Variants in ABCC4 observed in about 807,000 individuals in gnomAD.
The protein encoded by ABCC4 is ATP binding cassette subfamily C member 4 (PEL blood group).
A neutral mutation model predicts 168.5 loss-of-function variants in ABCC4; 102 were observed. That is an observed-to-expected ratio of 0.61 (90% CI 0.52 to 0.71). The LOEUF (loss-of-function observed/expected upper bound fraction) is 0.71, where lower values mean the gene tolerates loss of function less well. ABCC4 is among the 30% of genes least tolerant of loss of function. The pLI is 0.00. For missense variants in ABCC4, 1,402 were observed against 1,605.8 expected, an observed-to-expected ratio of 0.87 and a Z score of 2.17; for synonymous variants, 617 against 590.7, an observed-to-expected ratio of 1.04 and a Z score of -0.65.
chr13:95,159,840 T>C (rs1255083181), intron 19 of ABCC4, among the ~76,000 whole-genome samples: 2 of 152,206 alleles, frequency 1.3e-5, no homozygotes, highest in African/African-American at 4.8e-5. Flanking sequence ...TTCTTTAATC[T>C]TCACAAAAAT....
intron 1 of ABCC4, among the ~76,000 whole-genome samples, chr13:95,259,857 A>G (rs202236395): frequency 9.2e-4 from 53 of 57,572 alleles, no homozygotes; most frequent in African/African-American, 2.9e-3. Flanking sequence ...TAGTGTGGGG[A>G]AAAAAAAAAA....
intron 3 of ABCC4, among the ~76,000 whole-genome samples, chr13:95,239,669 A>C (rs1216183329): frequency 6.6e-6 from 1 of 152,216 alleles, no homozygotes; most frequent in African/African-American, 2.4e-5. Flanking sequence ...TCACAATCAT[A>C]CTCATCAAAA....
At chr13:95,274,593 C>G (rs1209145954) in intron 1 of ABCC4, among the ~76,000 whole-genome samples, 2 of 152,194 alleles carry the variant, frequency 1.3e-5, no homozygotes, top group African/African-American at 4.8e-5. Context: ...AGACCATGGC[C>G]CAGGCTCTCC....
At chr13:95,068,812 A>C (rs1190214066) in intron 25 of ABCC4, among the ~76,000 whole-genome samples, 1 of 152,266 alleles carries the variant, frequency 6.6e-6, no homozygotes, top group Non-Finnish European at 1.5e-5. Context: ...AGAGAAATTT[A>C]CAACGTGGCC....
At chr13:95,157,332 CA>C (rs61066518) in intron 19 of ABCC4, among the ~76,000 whole-genome samples, 27,816 of 139,568 alleles carry the variant, frequency 0.2, 2,928 homozygotes, top group African/African-American at 0.31. Flanking sequence ...ACTAAAAATA[CA>C]AAAAAAAAAA....
chr13:95,156,218 G>C (rs1022679515), intron 19 of ABCC4, among the ~76,000 whole-genome samples: 1 of 152,078 alleles, frequency 6.6e-6, no homozygotes, highest in African/African-American at 2.4e-5. Flanking sequence ...CTTCCACAAA[G>C]ACTTTCATGT....
rs1053942112 is a variant in ABCC4, at chr13:95,284,103, G to A, written c.74+17138C>T. 2.0e-5 allele frequency among the ~76,000 whole-genome samples: 3 copies of A among 152,196 alleles called. No homozygotes were observed. The South Asian group carries it at 6.2e-4, about 31-fold the overall frequency. On this transcript the variant is annotated intron_variant, in intron 1 of 30. Coordinates refer to ENST00000645237, the MANE Select transcript of ABCC4 (RefSeq NM_005845.5). ...GTATGCCTGTAATCCCAGCTACTGGGGAGGCTGAGGCAGGAGAATTACTTG... is the reference window on the plus strand; with the variant it reads ...GTATGCCTGTAATCCCAGCTACTGGAGAGGCTGAGGCAGGAGAATTACTTG...
At chr13:95,218,921 A>AAG (rs1289387063) in intron 4 of ABCC4, among the ~76,000 whole-genome samples, 1 of 24,734 alleles carries the variant, frequency 4.0e-5, no homozygotes, top group African/African-American at 1.4e-4. Context: ...GAGAGAGAGA[A>AAG]AGAAAGAGAA....
chr13:95,120,242 G>T (rs1296268561), intron 19 of ABCC4, among the ~76,000 whole-genome samples: 1 of 151,426 alleles, frequency 6.6e-6, no homozygotes, highest in Non-Finnish European at 1.5e-5. Flanking sequence ...TAGCTTCACT[G>T]ATGGTTCTGA....
chr13:95,269,435 ATATAT>A (rs1347358875), intron 1 of ABCC4: 38 of 123,222 alleles, frequency 3.1e-4, no homozygotes, highest in South Asian at 8.7e-4. Flanking sequence ...CAAAAAAAAA[ATATAT>A]ATATATATAT....
chr13:95,189,445 T>G (rs150741816), intron 9 of ABCC4, among the ~76,000 whole-genome samples: 1 of 152,202 alleles, frequency 6.6e-6, no homozygotes, highest in Non-Finnish European at 1.5e-5. Context: ...ATATTCAGTA[T>G]GGGAGCTTTT....
At chr13:95,268,889 C>T (rs920269171) in intron 1 of ABCC4, among the ~76,000 whole-genome samples, 79 of 152,196 alleles carry the variant, frequency 5.2e-4, no homozygotes, top group African/African-American at 1.9e-3. Context: ...GCGGCGGTCC[C>T]CTGGGCCCAC....
At position 95,210,766 on chromosome 13, in the gene ABCC4, T is replaced by C; in HGVS notation, c.547A>G (p.Asn183Asp). 2 of 1,613,906 alleles carry C rather than the reference T, an allele frequency of 1.2e-6. No individual in the cohort carries two copies. Among genetic ancestry groups the C allele is most frequent in the Non-Finnish European group, 1.7e-6 (2 of 1,179,776 alleles). The change falls in exon 5 of 31, where the codon AAC becomes GAC. Residue 183 changes from asparagine to aspartate, a missense_variant. Asn to Asp is a conservative substitution (Grantham distance 23). Around this residue, in one of 3 missense-constraint regions of ABCC4, gnomAD observed 317 missense variants for 345.5 expected, o/e 0.92. Transcript: ENST00000645237. ...GTGGTTGTCTTCCCCATGGCCATGT[T>C]ACTAAGACGAAGTGCCTGAAATAAA... is the stretch of plus-strand genomic sequence containing the variant. ...MIYRKALRLS[N>D]MAMGKTTTGQ...
intron 20 of ABCC4, among the ~76,000 whole-genome samples, chr13:95,099,887 C>T (rs763802315): frequency 1.3e-5 from 2 of 152,218 alleles, no homozygotes; most frequent in Non-Finnish European, 2.9e-5. Context: ...CCATGCCCCA[C>T]ATCAGATGGA....
chr13:95,146,869 G>A (rs2139496872), intron 19 of ABCC4, among the ~76,000 whole-genome samples: 1 of 152,284 alleles, frequency 6.6e-6, no homozygotes. Flanking sequence ...TCCTCAATTT[G>A]GTAGAGAACT....
chr13:95,095,999 T>C (rs2034583679), intron 20 of ABCC4: 2 of 401,652 alleles, frequency 5.0e-6, no homozygotes, highest in Admixed American at 4.4e-5. Flanking sequence ...AGATGAAAAG[T>C]ATAAGAGCAA....
chr13:95,274,703 G>A (rs902974426), intron 1 of ABCC4, among the ~76,000 whole-genome samples: 8 of 152,154 alleles, frequency 5.3e-5, no homozygotes, highest in African/African-American at 1.9e-4. Flanking sequence ...TCTAAGACCT[G>A]TGAGTATAAT....
intron 19 of ABCC4, among the ~76,000 whole-genome samples, chr13:95,157,637 T>C (rs2036915122): frequency 6.6e-6 from 1 of 152,158 alleles, no homozygotes; most frequent in Non-Finnish European, 1.5e-5. Flanking sequence ...AGCTTAAGAT[T>C]TATCAGGTTA....
rs2038894224 is a variant in ABCC4, at chr13:95,209,594, T to A, written c.625A>T (p.Thr209Ser). 1 of 1,610,988 alleles carries A rather than the reference T, an allele frequency of 6.2e-7. No homozygotes were observed. The highest frequency in any genetic ancestry group is 1.7e-4 in the Middle Eastern group (1 of 6,014). ...GCCCACAGGAAGTGTAAGAACACTG[T>A]CACCTTTAAAGAAAAAGACAGAGCG... ...SNDVNKFDQV[T>S]VFLHFLWAGP... Residue 209 changes from threonine to serine, a missense_variant, in exon 6 of 31, where the codon ACA (threonine) becomes TCA (serine). Physicochemically the swap from Thr to Ser is moderately conservative, Grantham distance 58. Transcript: ENST00000645237.
Sources: gnomAD v4.1 joint callset for allele counts (sites outside exome capture counted in the v4.1 genomes callset) on GRCh38, gnomAD v4.1.1 for gene constraint, gnomAD v4.1.1 regional missense constraint, MANE v1.5 for transcripts, NCBI Gene and HGNC (gene_info 2026-07-23, HGNC 2026-07-21) for gene names.